The following SEMA3E variants were observed in gnomAD, a reference collection of about 807,000 sequenced individuals.
SEMA3E encodes the protein semaphorin 3E, also known as semaphorin-3E.
A neutral mutation model predicts 93.6 loss-of-function variants in SEMA3E; 49 were observed. That is an observed-to-expected ratio of 0.52 (90% CI 0.42 to 0.66). SEMA3E has a LOEUF of 0.66. Ranked by LOEUF, SEMA3E falls within the 30% of genes least tolerant of loss-of-function variation. The pLI, the probability that SEMA3E is intolerant of heterozygous loss-of-function variation, is 0.00. For synonymous variants in SEMA3E, 363 were observed against 330.7 expected (o/e 1.10, Z -1.06); for missense variants, 906 against 964.8 (o/e 0.94, Z 0.81).
chr7:83,544,074 G>A (rs1208163704), intron 1 of SEMA3E, among the ~76,000 whole-genome samples: 1 of 152,012 alleles, frequency 6.6e-6, no homozygotes, highest in Non-Finnish European at 1.5e-5. Flanking sequence ...ATTATATAAA[G>A]TACCAATTAA....
rs2116891596 is a variant in SEMA3E, at chr7:83,367,612, G to A, written c.2302C>T (p.Leu768=). The A allele has an allele frequency of 6.2e-7, 1 of 1,614,176 alleles. No individual in the cohort carries two copies. The highest frequency in any genetic ancestry group is 8.5e-7 in the Non-Finnish European group (1 of 1,180,008). The change falls in exon 17 of 17, where the codon CTG becomes TTG. Residue 768 remains leucine, a synonymous_variant. Coordinates refer to ENST00000643230, the MANE Select transcript of SEMA3E (RefSeq NM_012431.3). ...KLRSKPEHYR[L]PRHTLDS ...CAGGAGTCCAGCGTGTGCCTGGGCA[G>A]GCGGTAATGCTCAGGTTTGGAACGG...
intron 1 of SEMA3E, among the ~76,000 whole-genome samples, chr7:83,561,660 T>A (rs1792032145): frequency 6.6e-6 from 1 of 152,134 alleles, no homozygotes; most frequent in Non-Finnish European, 1.5e-5. Context: ...CAATTCACTT[T>A]GAAAATTGTA....
At chr7:83,432,239 T>A (rs144120937) in intron 4 of SEMA3E, among the ~76,000 whole-genome samples, 186 of 151,460 alleles carry the variant, frequency 1.2e-3, no homozygotes, top group Non-Finnish European at 2.3e-3. Context: ...TCCATTACTA[T>A]TAAAAAATAG....
chr7:83,560,631 A>G lies in SEMA3E; in HGVS notation c.116-70357T>C, dbSNP rs927338802. ...TAGAATTCTCCTTTGAACTGATTAT[A>G]TCATCTTACTAGCTTTCTCTTTAGT... On this transcript the variant is annotated intron_variant, in intron 1 of 16. Transcript: ENST00000643230. Among the ~76,000 whole-genome samples, 4 of 152,148 alleles carry G rather than the reference A, an allele frequency of 2.6e-5. No homozygotes were observed. The South Asian group carries it at 8.3e-4, about 32-fold the overall frequency.
intron 1 of SEMA3E, among the ~76,000 whole-genome samples, chr7:83,510,158 C>T (rs1790787683): frequency 6.6e-6 from 1 of 152,090 alleles, no homozygotes; most frequent in African/African-American, 2.4e-5. Context: ...AATAAAAATA[C>T]AAATTGATCA....
At chr7:83,459,848 A>G (rs1370353597) in intron 4 of SEMA3E, among the ~76,000 whole-genome samples, 1 of 152,116 alleles carries the variant, frequency 6.6e-6, no homozygotes, top group African/African-American at 2.4e-5. Flanking sequence ...AAGTGATGAC[A>G]TTACCTTGTG....
chr7:83,392,704 T>G lies in SEMA3E; in HGVS notation c.1518A>C (p.Gly506=), dbSNP rs1788042634. Residue 506 remains glycine, a synonymous_variant, in exon 14 of 17, where the codon GGA becomes GGC. Coordinates refer to ENST00000643230, the MANE Select transcript of SEMA3E (RefSeq NM_012431.3). The stretch of plus-strand genomic sequence containing the variant: ...TGACTTGAGCCACAGCAGAAGCAGA[T>G]CCAATATACAGCTGTTGCTACAGAA... ...ISSKRQQLYI[G]SASAVAQVRF... The G allele has an allele frequency of 6.2e-7, 1 of 1,613,784 alleles. No homozygotes were observed.
intron 1 of SEMA3E, among the ~76,000 whole-genome samples, chr7:83,643,336 G>C (rs1794038575): frequency 6.6e-6 from 1 of 151,982 alleles, no homozygotes; most frequent in South Asian, 2.1e-4. Flanking sequence ...AACAGGCATT[G>C]ATTATATATT....
chr7:83,514,725 G>A (rs1790892584), intron 1 of SEMA3E, among the ~76,000 whole-genome samples: 1 of 151,760 alleles, frequency 6.6e-6, no homozygotes, highest in Admixed American at 6.6e-5. Context: ...TTCTAAAGGG[G>A]AAAAAAAGCA....
rs562178723 is a variant in SEMA3E at position 83,461,975 on chromosome 7, G to T, written c.456+4507C>A. 5 of 152,348 alleles carry T rather than the reference G, an allele frequency of 3.3e-5. 2 individuals carry two copies. The highest frequency in any genetic ancestry group is 1.2e-4 in the African/African-American group (5 of 41,574). The allele number at this position is 152,348 out of a possible 1,614,324, so 9.4% of individuals were successfully genotyped here. On this transcript the variant is annotated intron_variant, in intron 4 of 16. Coordinates refer to ENST00000643230, the MANE Select transcript of SEMA3E (RefSeq NM_012431.3). Reference sequence around the variant, plus strand: ...CTGGCCACTGGGCCAAGGAATGCCCGCAGGCCGGGATTCCTCCTAAGCTGT... The same window carrying T: ...CTGGCCACTGGGCCAAGGAATGCCCTCAGGCCGGGATTCCTCCTAAGCTGT...
rs1562758469 is a variant in SEMA3E, at chr7:83,390,058, T to TATAC, written c.1667+2496_1667+2497insGTAT. Among the ~76,000 whole-genome samples, 1,221 of 139,614 alleles carry TATAC rather than the reference T, an allele frequency of 8.7e-3. 9 individuals carry two copies. The highest frequency in any genetic ancestry group is 0.011 in the South Asian group (50 of 4,408). The allele number at this position is 139,614 out of a possible 152,430, so 91.6% of individuals were successfully genotyped here. A position where few individuals can be genotyped will look rare whatever the true frequency, so the allele number is the denominator to read the frequency against. On this transcript the variant is annotated intron_variant, in intron 14 of 16. Transcript: ENST00000643230. Reference sequence around the variant, plus strand: ...ATACACATATATGCGCGTATACGTGTGCACATATATGCGCGTATACGTGTG... The same window carrying TATAC: ...ATACACATATATGCGCGTATACGTGTATACGCACATATATGCGCGTATACGTGTG...
At chr7:83,613,508 T>C (rs1305953984) in intron 1 of SEMA3E, among the ~76,000 whole-genome samples, 2 of 152,058 alleles carry the variant, frequency 1.3e-5, no homozygotes, top group Non-Finnish European at 2.9e-5. Flanking sequence ...GAGCCCTATT[T>C]ACCATTTGCA....
intron 4 of SEMA3E, among the ~76,000 whole-genome samples, chr7:83,432,826 GA>G (rs1788918456): frequency 6.6e-6 from 1 of 151,704 alleles, no homozygotes; most frequent in East Asian, 1.9e-4. Context: ...GTGTGGAACA[GA>G]AAAAAAGATA....
intron 1 of SEMA3E, among the ~76,000 whole-genome samples, chr7:83,634,078 G>A (rs1048260692): frequency 6.6e-6 from 1 of 152,082 alleles, no homozygotes; most frequent in African/African-American, 2.4e-5. Flanking sequence ...ATATAAATTA[G>A]CTGACTAAAA....
intron 9 of SEMA3E, 46 bp downstream of exon 9, chr7:83,405,404 C>T: frequency 7.5e-7 from 1 of 1,331,920 alleles, no homozygotes; most frequent in South Asian, 1.2e-5. Flanking sequence ...TCCGGTGAGG[C>T]ATCTCTTGTT....
At chr7:83,390,109 A>G (rs1229484039) in intron 14 of SEMA3E, among the ~76,000 whole-genome samples, 1 of 107,462 alleles carries the variant, frequency 9.3e-6, no homozygotes, top group African/African-American at 3.4e-5. Flanking sequence ...ATACGTGTGC[A>G]CATATATGCG....
Position 83,367,716 on chromosome 7 carries a change from C to G in SEMA3E, c.2198G>C (p.Trp733Ser). ...QRVEEYCEKV[W>S]CTDRKRKKLK... ...CTTTTTCCTCTTTCTATCTGTGCAC[C>G]ATACTTTCTCGCAGTATTCTTCCAC... Residue 733 changes from tryptophan to serine, a missense_variant, in exon 17 of 17, where the codon TGG becomes TCG. By Grantham distance (177) the Trp-to-Ser change is radical. Coordinates refer to ENST00000643230, the MANE Select transcript of SEMA3E (RefSeq NM_012431.3). The G allele has an allele frequency of 1.9e-6, 3 of 1,613,966 alleles. No individual in the cohort carries two copies. Among genetic ancestry groups the G allele is most frequent in the Non-Finnish European group, 2.5e-6 (3 of 1,179,990 alleles).
At chr7:83,391,608 A>T (rs946030192) in intron 14 of SEMA3E, among the ~76,000 whole-genome samples, 31 of 140,474 alleles carry the variant, frequency 2.2e-4, no homozygotes, top group Non-Finnish European at 3.8e-4. Context: ...TCATTTTTTT[A>T]AAATACTCAC....
At chr7:83,432,913 T>C (rs1788921346) in intron 4 of SEMA3E, among the ~76,000 whole-genome samples, 1 of 152,174 alleles carries the variant, frequency 6.6e-6, no homozygotes, top group Non-Finnish European at 1.5e-5. Context: ...AATCTTATTG[T>C]AATTTTTCAA....
Sources: allele counts gnomAD v4.1 joint callset (sites outside exome capture counted in the v4.1 genomes callset), GRCh38; gene constraint gnomAD v4.1.1; transcripts MANE v1.5; gene names NCBI Gene and HGNC (gene_info 2026-07-23, HGNC 2026-07-21).